The following CDH3 variants were observed in gnomAD, a reference collection of about 807,000 sequenced individuals.
The protein encoded by CDH3 is cadherin 3, also known as cadherin-3.
In CDH3, 54 loss-of-function variants were observed where a neutral mutation model predicts 82.0. That is an observed-to-expected ratio of 0.66 (90% confidence interval 0.53 to 0.83). CDH3 has a LOEUF of 0.83. Among genes scored for constraint, CDH3 ranks in the 40% least tolerant of loss-of-function variants. CDH3 has a pLI of 0.00. For missense variants in CDH3, 1,054 were observed against 1,084.6 expected, an observed-to-expected ratio of 0.97 and a Z score of 0.40; for synonymous variants, 446 against 437.9, an observed-to-expected ratio of 1.02 and a Z score of -0.23.
intron 2 of CDH3, among the ~76,000 whole-genome samples, chr16:68,672,566 G>A (rs1299597304): frequency 6.6e-6 from 1 of 152,150 alleles, no homozygotes; most frequent in African/African-American, 2.4e-5. Flanking sequence ...TAAAGGGCAG[G>A]GCCACCTGGG....
intron 1 of CDH3, among the ~76,000 whole-genome samples, chr16:68,712,264 T>C (rs545258712): frequency 6.6e-6 from 1 of 150,390 alleles, no homozygotes; most frequent in South Asian, 2.1e-4. Flanking sequence ...TTCCAACTCC[T>C]GGGCTCAAGC....
In CDH3 at chr16:68,700,182, G is replaced by A. The variant is rs1428489577; in HGVS notation, c.*1782G>A. On this transcript the variant is annotated 3_prime_UTR_variant, in exon 16 of 16. Transcript: ENST00000264012. ...TAGGCAGCAGTGATAGAACAATTCT[G>A]TTTGTGCCCTTGTTAACGTGAAGTT... The A allele has an allele frequency of 6.6e-6, 1 of 152,224 alleles. No individual in the cohort carries two copies. The highest frequency in any genetic ancestry group is 1.5e-5 in the Non-Finnish European group (1 of 68,030). 9.4% of individuals were successfully genotyped at this position (152,224 alleles called of 1,614,324 possible). A position where few individuals can be genotyped will look rare whatever the true frequency, so the allele number is the denominator to read the frequency against.
downstream of CDH3, among the ~76,000 whole-genome samples, chr16:68,703,289 T>C (rs1220719910): frequency 6.6e-6 from 1 of 152,084 alleles, no homozygotes. Context: ...GGCCCCCCAT[T>C]TCTAGGCATG....
At chr16:68,645,531 G>A in intron 1 of CDH3, 105 bp from the exon 2 acceptor site, 1 of 1,465,802 alleles carries the variant, frequency 6.8e-7, no homozygotes, top group Admixed American at 1.9e-5. Context: ...GCGCTCCCTG[G>A]GGCCAAGGGA....
intron 2 of CDH3, among the ~76,000 whole-genome samples, chr16:68,673,222 T>C: frequency 6.6e-6 from 1 of 152,248 alleles, no homozygotes; most frequent in African/African-American, 2.4e-5. Context: ...CAAATTGTTT[T>C]CCAAAGTGAT....
intron 2 of CDH3, among the ~76,000 whole-genome samples, chr16:68,671,384 C>T (rs1052407394): frequency 2.0e-5 from 3 of 152,072 alleles, no homozygotes; most frequent in Admixed American, 2.0e-4. Context: ...ATAGTTCTGG[C>T]TTGTAGATGG....
intron 12 of CDH3, among the ~76,000 whole-genome samples, chr16:68,688,245 C>T (rs1413375404): frequency 6.6e-6 from 1 of 151,740 alleles, no homozygotes; most frequent in African/African-American, 2.4e-5. Context: ...GAGACCGTTG[C>T]CCCCGTGGCC....
chr16:68,718,758 A>G (rs1220755192), intron 1 of CDH3, among the ~76,000 whole-genome samples: 10 of 152,198 alleles, frequency 6.6e-5, no homozygotes, highest in Non-Finnish European at 1.2e-4. Context: ...CATATGATTT[A>G]GTAACTCTGC....
chr16:68,689,748 G>A lies in CDH3; in HGVS notation c.1796-1972G>A, dbSNP rs539970461. On this transcript the variant is annotated intron_variant, in intron 12 of 15. Coordinates refer to ENST00000264012, the MANE Select transcript of CDH3 (RefSeq NM_001793.6). Reference sequence around the variant, plus strand: ...ACTAAATGGGGACAGAGTGGATTCTGCCTTCTGGCCCTTTGACTAAGAGGA... The same window carrying A: ...ACTAAATGGGGACAGAGTGGATTCTACCTTCTGGCCCTTTGACTAAGAGGA... Among the ~76,000 whole-genome samples the A allele has an allele frequency of 2.0e-5, 3 of 151,890 alleles. No homozygotes were observed. The South Asian group carries it at 6.2e-4, about 32-fold the overall frequency.
chr16:68,704,617 G>C (rs557702924), downstream of CDH3, among the ~76,000 whole-genome samples: 2 of 152,396 alleles, frequency 1.3e-5, no homozygotes, highest in African/African-American at 4.8e-5. Flanking sequence ...GGGAACAGTG[G>C]CACTGGCTGC....
chr16:68,702,919 C>T (rs1961914699), downstream of CDH3, among the ~76,000 whole-genome samples: 2 of 152,084 alleles, frequency 1.3e-5, no homozygotes, highest in Admixed American at 1.3e-4. Context: ...CCCAGAGAGC[C>T]TTCTCTCTAG....
At position 68,650,307 on chromosome 16, in the gene CDH3, A is replaced by T. The variant is rs76331979; in HGVS notation, c.160+4557A>T. Reference sequence around the variant, plus strand: ...CATTCCTTGGGGAAAAAATATATATATTTTTTCTTTTTTTGAGACGGAGTT... The same window carrying T: ...CATTCCTTGGGGAAAAAATATATATTTTTTTTCTTTTTTTGAGACGGAGTT... On this transcript the variant is annotated intron_variant, in intron 2 of 15. Transcript: ENST00000264012. Among the ~76,000 whole-genome samples, 222 of 151,530 alleles carry T rather than the reference A, an allele frequency of 1.5e-3. 1 individual carries two copies. In the East Asian group the frequency reaches 0.028, roughly 19 times the overall value.
At chr16:68,717,630 G>A (rs975363987) in intron 1 of CDH3, among the ~76,000 whole-genome samples, 5 of 152,036 alleles carry the variant, frequency 3.3e-5, no homozygotes, top group Admixed American at 1.3e-4. Flanking sequence ...AAAATTAGCC[G>A]GGCGTGGTGG....
At position 68,697,977 on chromosome 16, in the gene CDH3, C is replaced by G. The variant is rs909391958; in HGVS notation, c.2281-214C>G. On this transcript the variant is annotated intron_variant, in intron 15 of 15. Coordinates refer to ENST00000264012, the MANE Select transcript of CDH3 (RefSeq NM_001793.6). ...CTGGCCCGGGCTGTCTGATTTCAGT[C>G]CTTGCCCTTACCCCCTGGCCTGTGT... 2.1e-5 allele frequency: 13 copies of G among 632,268 alleles called. No homozygotes were observed. The African/African-American group carries it at 2.2e-4, about 11-fold the overall frequency. The allele number at this position is 632,268 out of a possible 1,614,324, so 39.2% of individuals were successfully genotyped here.
At chr16:68,673,074 G>A (rs1435611900) in intron 2 of CDH3, among the ~76,000 whole-genome samples, 1 of 152,102 alleles carries the variant, frequency 6.6e-6, no homozygotes, top group African/African-American at 2.4e-5. Context: ...TGTTTGGGCC[G>A]ATTCTGGCTT....
chr16:68,722,780 A>G (rs1962178601), intron 2 of CDH3, among the ~76,000 whole-genome samples: 1 of 151,884 alleles, frequency 6.6e-6, no homozygotes, highest in South Asian at 2.1e-4. Context: ...GACCTTCAAC[A>G]CAGATTTATT....
In CDH3 at chr16:68,673,520, G is replaced by A. The variant is rs1371861628; in HGVS notation, c.161-2865G>A. Among the ~76,000 whole-genome samples the A allele has an allele frequency of 2.0e-5, 3 of 150,502 alleles. No individual in the cohort carries two copies. In the Admixed American group the frequency reaches 2.0e-4, roughly 10 times the overall value. On this transcript the variant is annotated intron_variant, in intron 2 of 15. Coordinates refer to ENST00000264012, the MANE Select transcript of CDH3 (RefSeq NM_001793.6). ...AAGGGTCTTGCTGGAGTACAGTGGCGCAGTCATGGCTCACTGCAGCTTCAA... is the reference window on the plus strand; with the variant it reads ...AAGGGTCTTGCTGGAGTACAGTGGCACAGTCATGGCTCACTGCAGCTTCAA...
Position 68,685,357 on chromosome 16 carries a change from G to A in CDH3, c.1570+7G>A, listed in dbSNP as rs1334057903. 2.5e-6 allele frequency: 4 copies of A among 1,613,680 alleles called. No homozygotes were observed. The highest frequency in any genetic ancestry group is 1.3e-5 in the African/African-American group (1 of 74,916). On this transcript the variant is annotated splice_region_variant and intron_variant, in intron 11 of 15. Coordinates refer to ENST00000264012, the MANE Select transcript of CDH3 (RefSeq NM_001793.6). ...GTCTTGGCCATGGACAATGGTGAGA[G>A]CATCCTCCCAGCCCTCCCACAAGGG...
intron 3 of CDH3, among the ~76,000 whole-genome samples, 171 bp downstream of exon 3, chr16:68,676,641 G>A (rs937477755): frequency 6.6e-6 from 1 of 152,192 alleles, no homozygotes. Context: ...ACTGATCTAA[G>A]GGGGGTAGTG....
Sources: gnomAD v4.1 joint callset for allele counts (sites outside exome capture counted in the v4.1 genomes callset) on GRCh38, gnomAD v4.1.1 for gene constraint, MANE v1.5 for transcripts, NCBI Gene and HGNC (gene_info 2026-07-23, HGNC 2026-07-21) for gene names.